Variants in CAMK4 observed in about 807,000 individuals in gnomAD.
CAMK4 encodes the protein calcium/calmodulin dependent protein kinase IV, also known as calcium/calmodulin-dependent protein kinase type IV.
A neutral mutation model predicts 44.9 loss-of-function variants in CAMK4; 22 were observed. The observed-to-expected ratio is 0.49, with a 90% CI of 0.35 to 0.70. CAMK4 has a LOEUF of 0.70. Ranked by LOEUF, CAMK4 falls within the 30% of genes least tolerant of loss-of-function variation. CAMK4 has a pLI of 0.01. For missense variants in CAMK4, 498 were observed against 586.8 expected (o/e 0.85, Z 1.56); for synonymous variants, 218 against 215.4 (o/e 1.01, Z -0.11).
Position 111,229,592 on chromosome 5 carries a change from C to T in CAMK4, c.161+4948C>T, listed in dbSNP as rs571579519. Among the ~76,000 whole-genome samples the T allele has an allele frequency of 3.3e-5, 5 of 152,324 alleles. No homozygotes were observed. In the East Asian group the frequency reaches 7.7e-4, roughly 24 times the overall value. On this transcript the variant is annotated intron_variant, in intron 1 of 10. Coordinates refer to ENST00000282356, the MANE Select transcript of CAMK4 (RefSeq NM_001744.6). ...CCAATTTCCTAAACCATTCTCGTGA[C>T]CAGAGCTTCTTAGATCCTTGATTTT...
chr5:111,464,783 T>C (rs1754764608), intron 7 of CAMK4, among the ~76,000 whole-genome samples: 1 of 152,248 alleles, frequency 6.6e-6, no homozygotes, highest in African/African-American at 2.4e-5. Context: ...TTTAAGTAAG[T>C]GGTTGCCATA....
chr5:111,471,979 A>C (rs1755081780), intron 7 of CAMK4, among the ~76,000 whole-genome samples: 1 of 151,712 alleles, frequency 6.6e-6, no homozygotes, highest in Non-Finnish European at 1.5e-5. Context: ...TGCAACCTCC[A>C]CCTCCTGGGT....
rs183370811 is a variant in CAMK4, at chr5:111,335,268, C to T, written c.162-8756C>T. Among the ~76,000 whole-genome samples, 23 of 151,452 alleles carry T rather than the reference C, an allele frequency of 1.5e-4. No homozygotes were observed. The Admixed American group carries it at 1.5e-3, about 10-fold the overall frequency. ...ATAACCTCCCTTAATAGGAGAATGCCCTTGATGCTAAATTGTCTGAACATT... is the reference window on the plus strand; with the variant it reads ...ATAACCTCCCTTAATAGGAGAATGCTCTTGATGCTAAATTGTCTGAACATT... On this transcript the variant is annotated intron_variant, in intron 1 of 10. Coordinates refer to ENST00000282356, the MANE Select transcript of CAMK4 (RefSeq NM_001744.6).
intron 5 of CAMK4, among the ~76,000 whole-genome samples, chr5:111,399,163 C>G (rs1752130780): frequency 6.6e-6 from 1 of 152,174 alleles, no homozygotes; most frequent in Non-Finnish European, 1.5e-5. Flanking sequence ...CCCAACATCA[C>G]TGACTACACT....
At chr5:111,432,677 TATATAC>T (rs1431407194) in intron 5 of CAMK4, among the ~76,000 whole-genome samples, 1 of 148,018 alleles carries the variant, frequency 6.8e-6, no homozygotes, top group Non-Finnish European at 1.5e-5. Context: ...TATATATATA[TATATAC>T]ATTTATGTAT....
intron 5 of CAMK4, among the ~76,000 whole-genome samples, chr5:111,429,777 CAAAAAAAA>C (rs70973607): frequency 2.3e-4 from 6 of 26,342 alleles, no homozygotes; most frequent in Admixed American, 7.7e-4. Flanking sequence ...GACCTCATCT[CAAAAAAAA>C]AAAAAAAAAA....
intron 1 of CAMK4, among the ~76,000 whole-genome samples, chr5:111,268,603 T>C (rs1178218944): frequency 6.6e-6 from 1 of 152,216 alleles, no homozygotes; most frequent in East Asian, 1.9e-4. Context: ...GCAGCAAGTT[T>C]TGAGGAAGCT....
At chr5:111,323,973 A>T (rs1748769168) in intron 1 of CAMK4, among the ~76,000 whole-genome samples, 1 of 152,084 alleles carries the variant, frequency 6.6e-6, no homozygotes, top group African/African-American at 2.4e-5. Flanking sequence ...AAGCAAGAGG[A>T]GGTGGTTAAA....
chr5:111,311,758 C>A (rs981152364), intron 1 of CAMK4, among the ~76,000 whole-genome samples: 2 of 152,132 alleles, frequency 1.3e-5, no homozygotes, highest in Non-Finnish European at 2.9e-5. Flanking sequence ...TTCTCAAGGA[C>A]AATCATAAAT....
chr5:111,337,182 A>C (rs752934259), intron 1 of CAMK4, among the ~76,000 whole-genome samples: 4 of 151,188 alleles, frequency 2.6e-5, no homozygotes, highest in Non-Finnish European at 5.9e-5. Context: ...GTGTACCCTC[A>C]TTAATTCCTT....
chr5:111,329,217 G>C (rs1268035090), intron 1 of CAMK4, among the ~76,000 whole-genome samples: 2 of 151,846 alleles, frequency 1.3e-5, no homozygotes, highest in South Asian at 2.1e-4. Context: ...AGGTATTGAT[G>C]GGATGTATCT....
chr5:111,317,823 CT>C (rs1748489379), intron 1 of CAMK4, among the ~76,000 whole-genome samples: 2 of 137,162 alleles, frequency 1.5e-5, no homozygotes, highest in African/African-American at 5.3e-5. Context: ...ACAACGGGCC[CT>C]GTATTGTCTG....
intron 7 of CAMK4, among the ~76,000 whole-genome samples, chr5:111,462,708 T>G (rs1388285034): frequency 6.6e-6 from 1 of 152,244 alleles, no homozygotes. Flanking sequence ...TTAATTTTTC[T>G]TCTAGGAATT....
intron 1 of CAMK4, among the ~76,000 whole-genome samples, chr5:111,291,428 G>C (rs753341828): frequency 7.9e-5 from 12 of 152,208 alleles, no homozygotes; most frequent in African/African-American, 2.6e-4. Flanking sequence ...GTTAACCGAA[G>C]CAAGTGGAAA....
At chr5:111,321,539 G>T (rs1183312116) in intron 1 of CAMK4, among the ~76,000 whole-genome samples, 1 of 152,084 alleles carries the variant, frequency 6.6e-6, no homozygotes, top group Non-Finnish European at 1.5e-5. Flanking sequence ...TCACAGCTGG[G>T]AGATATGAAC....
intron 7 of CAMK4, among the ~76,000 whole-genome samples, chr5:111,458,325 T>G (rs1057175445): frequency 1.2e-4 from 18 of 152,206 alleles, no homozygotes; most frequent in African/African-American, 4.3e-4. Context: ...GGGCATGAGC[T>G]TAGTTTAAGC....
At position 111,364,566 on chromosome 5, in the gene CAMK4, G is replaced by T. The variant is rs1405452790; in HGVS notation, c.241-10284G>T. ...GAGAGAGGTAACTCCCTTTGGAGAT[G>T]CTGCTCTGTTCTGAATCTACGTGTC... On this transcript the variant is annotated intron_variant, in intron 2 of 10. Transcript: ENST00000282356. Among the ~76,000 whole-genome samples, 8 of 152,120 alleles carry T rather than the reference G, an allele frequency of 5.3e-5. No individual in the cohort carries two copies. In the East Asian group the frequency reaches 1.5e-3, roughly 29 times the overall value.
chr5:111,296,757 A>G (rs538320316), intron 1 of CAMK4, among the ~76,000 whole-genome samples: 1 of 152,310 alleles, frequency 6.6e-6, no homozygotes, highest in East Asian at 1.9e-4. Flanking sequence ...TACTATCACA[A>G]ACTCTTGGGA....
chr5:111,381,498 G>A (rs564701465), intron 4 of CAMK4, among the ~76,000 whole-genome samples: 5 of 152,264 alleles, frequency 3.3e-5, no homozygotes, highest in Non-Finnish European at 5.9e-5. Flanking sequence ...ACAGGAGAAA[G>A]ATGGAGACCA....
Sources: gnomAD v4.1 joint callset for allele counts (sites outside exome capture counted in the v4.1 genomes callset) on GRCh38, gnomAD v4.1.1 for gene constraint, MANE v1.5 for transcripts, NCBI Gene and HGNC (gene_info 2026-07-23, HGNC 2026-07-21) for gene names.